Variants in EPHA2 observed in about 807,000 individuals in gnomAD.
The protein encoded by EPHA2 is ephrin type-A receptor 2.
EPHA2 carries 54 observed loss-of-function variants against 104.9 expected under a neutral mutation model. That is an observed-to-expected ratio of 0.51 (90% CI 0.41 to 0.65). The LOEUF is 0.65. Ranked by LOEUF, EPHA2 falls within the 30% of genes least tolerant of loss-of-function variation. EPHA2 has a pLI of 0.00. For synonymous variants in EPHA2, 560 were observed against 559.1 expected (o/e 1.00, Z -0.02); for missense variants, 1,117 against 1,369.5 (o/e 0.82, Z 2.91).
At chr1:16,127,069 G>C (rs371528900) in intron 16 of EPHA2, among the ~76,000 whole-genome samples, 1 of 152,194 alleles carries the variant, frequency 6.6e-6, no homozygotes, top group Non-Finnish European at 1.5e-5. Flanking sequence ...AGTTTGCTTT[G>C]GAGGCCCTGC....
In EPHA2 at chr1:16,131,811, G is replaced by C; in HGVS notation, c.2385C>G (p.Thr795=). Residue 795 remains threonine, a synonymous_variant, in exon 14 of 17, where the codon ACC becomes ACG. Coordinates refer to ENST00000358432, the MANE Select transcript of EPHA2 (RefSeq NM_004431.5). This position sits in a 1 kb window ranked among gnomAD's most constrained non-coding sequence, Gnocchi z 5.2. ...CAAAGCTCCACACGTCGCTGGCAGA[G>C]GTGAACTTCCGGTAGGAAATGGCCT... ...APEAISYRKF[T]SASDVWSFGI... 1.2e-6 allele frequency: 2 copies of C among 1,614,124 alleles called. No homozygotes were observed. The highest frequency in any genetic ancestry group is 1.7e-6 in the Non-Finnish European group (2 of 1,180,034).
intron 16 of EPHA2, among the ~76,000 whole-genome samples, chr1:16,129,058 T>C (rs762237241): frequency 4.0e-5 from 6 of 151,744 alleles, no homozygotes; most frequent in Admixed American, 1.3e-4. Flanking sequence ...GTCACTGCAC[T>C]TCTCTGCATC....
Position 16,125,363 on chromosome 1 carries a change from AG to A in EPHA2, c.2826-44del. The A allele has an allele frequency of 8.6e-6, 1 of 116,598 alleles. No individual in the cohort carries two copies. The allele number at this position is 116,598 out of a possible 1,614,324, so 7.2% of individuals were successfully genotyped here. On this transcript the variant is annotated intron_variant, in intron 16 of 16. Coordinates refer to ENST00000358432, the MANE Select transcript of EPHA2 (RefSeq NM_004431.5). The surrounding 1 kb of genome is among the most constrained non-coding windows in gnomAD (Gnocchi z 4.9). ...GAGAGGGAGAGTTAGGGGCTGGAGC[AG>A]GGGAGGGGGCCGGGCTGGGTGGGGA...
intron 1 of EPHA2, among the ~76,000 whole-genome samples, chr1:16,152,520 C>G (rs1248364468): frequency 1.3e-5 from 2 of 148,512 alleles, no homozygotes; most frequent in African/African-American, 5.0e-5. Context: ...GCGGGGTGGG[C>G]AGGGGCAGGG....
chr1:16,144,361 G>A (rs1039960391), intron 3 of EPHA2, among the ~76,000 whole-genome samples: 1 of 152,138 alleles, frequency 6.6e-6, no homozygotes, highest in African/African-American at 2.4e-5. Flanking sequence ...CAAAGCCTGC[G>A]AGCCACAGCC....
At chr1:16,149,431 C>G (rs1232791511) in intron 2 of EPHA2, among the ~76,000 whole-genome samples, 1 of 152,232 alleles carries the variant, frequency 6.6e-6, no homozygotes, top group East Asian at 1.9e-4. Flanking sequence ...TGGCTGAACA[C>G]AGTGCTTGGC....
intron 1 of EPHA2, chr1:16,155,328 C>G (rs1041417591): frequency 6.5e-6 from 1 of 152,946 alleles, no homozygotes; most frequent in Admixed American, 6.5e-5. Context: ...TCCCCCGGGA[C>G]TGGAGGTGAA....
chr1:16,134,623 C>A lies in EPHA2; in HGVS notation c.1583-56G>T. On this transcript the variant is annotated intron_variant, in intron 7 of 16. Transcript: ENST00000358432. The surrounding 1 kb of genome is among the most constrained non-coding windows in gnomAD (Gnocchi z 4.5). ...AGTTCCCCCACAAATTACAGCAACA[C>A]CCGCGCTGCACCCAAGACACCTGGG... 2 of 1,568,932 alleles carry A rather than the reference C, an allele frequency of 1.3e-6. No individual in the cohort carries two copies. Among genetic ancestry groups the A allele is most frequent in the South Asian group, 1.1e-5 (1 of 87,890 alleles).
At position 16,128,163 on chromosome 1, in the gene EPHA2, C is replaced by T. The variant is rs2024503835; in HGVS notation, c.2825+1271G>A. ...TACCAGTCGTGTCATCTGCGCTGCA[C>T]CCATGCAATCCCATCAAACTTGATC... On this transcript the variant is annotated intron_variant, in intron 16 of 16. Coordinates refer to ENST00000358432, the MANE Select transcript of EPHA2 (RefSeq NM_004431.5). The surrounding 1 kb of genome is among the most constrained non-coding windows in gnomAD (Gnocchi z 4.7). 6.6e-6 allele frequency among the ~76,000 whole-genome samples: 1 copy of T among 152,188 alleles called. No homozygotes were observed. The highest frequency in any genetic ancestry group is 2.4e-5 in the African/African-American group (1 of 41,436).
In EPHA2 at chr1:16,134,599, G is replaced by T. The variant is rs765536719; in HGVS notation, c.1583-32C>A. Reference sequence around the variant, plus strand: ...GAAGAAATCAGCTGATGACAAGGGAGTTCCCCCACAAATTACAGCAACACC... The same window carrying T: ...GAAGAAATCAGCTGATGACAAGGGATTTCCCCCACAAATTACAGCAACACC... On this transcript the variant is annotated intron_variant, in intron 7 of 16. Coordinates refer to ENST00000358432, the MANE Select transcript of EPHA2 (RefSeq NM_004431.5). The surrounding 1 kb of genome is among the most constrained non-coding windows in gnomAD (Gnocchi z 4.5). 5 of 1,608,912 alleles carry T rather than the reference G, an allele frequency of 3.1e-6. No homozygotes were observed. In the African/African-American group the frequency reaches 4.0e-5, roughly 13 times the overall value.
rs563410207 is a variant in EPHA2, at chr1:16,137,529, C to T, written c.1312+324G>A. On this transcript the variant is annotated intron_variant, in intron 5 of 16. Coordinates refer to ENST00000358432, the MANE Select transcript of EPHA2 (RefSeq NM_004431.5). ...AGGAGAATTGCTTGAACCCGGAAGGCAGAGGTTGCAGTGAGCCGAGATCAA... is the reference window on the plus strand; with the variant it reads ...AGGAGAATTGCTTGAACCCGGAAGGTAGAGGTTGCAGTGAGCCGAGATCAA... Among the ~76,000 whole-genome samples the T allele has an allele frequency of 5.2e-4, 79 of 152,200 alleles. 1 individual carries two copies. In the South Asian group the frequency reaches 8.3e-3, roughly 16 times the overall value.
rs963606697 is a variant in EPHA2 at position 16,130,936 on chromosome 1, G to T, written c.2476-517C>A. Reference sequence around the variant, plus strand: ...TGCGCCATTGCTCCCAGCTAGAAGGGACCCTGCTCCCTCACAGGGCACCAG... The same window carrying T: ...TGCGCCATTGCTCCCAGCTAGAAGGTACCCTGCTCCCTCACAGGGCACCAG... On this transcript the variant is annotated intron_variant, in intron 14 of 16. Transcript: ENST00000358432. The surrounding 1 kb of genome is among the most constrained non-coding windows in gnomAD (Gnocchi z 4.5). 3.9e-5 allele frequency among the ~76,000 whole-genome samples: 6 copies of T among 152,094 alleles called. No homozygotes were observed. Among genetic ancestry groups the T allele is most frequent in the African/African-American group, 1.4e-4 (6 of 41,412 alleles).
intron 5 of EPHA2, among the ~76,000 whole-genome samples, chr1:16,136,692 GGAAGAAGAAGAAGAAGAAGAAAAGAA>G (rs1445866494): frequency 0.03 from 1,822 of 60,002 alleles, 76 homozygotes; most frequent in African/African-American, 0.12. Context: ...AAGAAGAAGA[GGAAGAAGAAGAAGAAGAAGAAAAGAA>G]GAAGAAGAAG....
At position 16,130,169 on chromosome 1, in the gene EPHA2, T is replaced by C; in HGVS notation, c.2669+57A>G. 1 of 1,612,438 alleles carries C rather than the reference T, an allele frequency of 6.2e-7. No homozygotes were observed. Among genetic ancestry groups the C allele is most frequent in the Admixed American group, 1.7e-5 (1 of 59,958 alleles). On this transcript the variant is annotated intron_variant, in intron 15 of 16. Transcript: ENST00000358432. This position sits in a 1 kb window ranked among gnomAD's most constrained non-coding sequence, Gnocchi z 4.5. ...TGGGTGGCCACTCTACCGAAGTGGT[T>C]CAAGAGTCTGCAGAAGGAAAATTGA...
intron 3 of EPHA2, among the ~76,000 whole-genome samples, chr1:16,145,280 G>A (rs2024910561): frequency 6.6e-6 from 1 of 152,196 alleles, no homozygotes; most frequent in Non-Finnish European, 1.5e-5. Flanking sequence ...GCAGGGCCGG[G>A]GGCAGGGCGG....
intron 3 of EPHA2, 135 bp from the exon 4 acceptor site, chr1:16,138,565 A>G: frequency 6.1e-6 from 8 of 1,313,578 alleles, no homozygotes; most frequent in Non-Finnish European, 8.6e-6. Flanking sequence ...CTGTTTTCTC[A>G]TCGGCAAAAT....
At position 16,134,625 on chromosome 1, in the gene EPHA2, C is replaced by A; in HGVS notation, c.1583-58G>T. On this transcript the variant is annotated intron_variant, in intron 7 of 16. Coordinates refer to ENST00000358432, the MANE Select transcript of EPHA2 (RefSeq NM_004431.5). This position sits in a 1 kb window ranked among gnomAD's most constrained non-coding sequence, Gnocchi z 4.5. ...TTCCCCCACAAATTACAGCAACACC[C>A]GCGCTGCACCCAAGACACCTGGGCC... 1 of 1,558,686 alleles carries A rather than the reference C, an allele frequency of 6.4e-7. No individual in the cohort carries two copies. Among genetic ancestry groups the A allele is most frequent in the South Asian group, 1.1e-5 (1 of 87,394 alleles).
rs1452443823 is a variant in EPHA2 at position 16,133,349 on chromosome 1, G to A, written c.1884C>T (p.Tyr628=). 6.2e-7 allele frequency: 1 copy of A among 1,613,684 alleles called. No individual in the cohort carries two copies. Among genetic ancestry groups the A allele is most frequent in the East Asian group, 2.2e-5 (1 of 44,890 alleles). ...VIGAGEFGEV[Y]KGMLKTSSGK... is the part of the protein sequence containing the mutation. ...CCGAGGATGTCTTCAGCATGCCCTTGTACACCTCCCCAAACTCTCCTGTGG... is the reference window on the plus strand; with the variant it reads ...CCGAGGATGTCTTCAGCATGCCCTTATACACCTCCCCAAACTCTCCTGTGG... The change falls in exon 11 of 17, where the codon TAC becomes TAT. Residue 628 remains tyrosine (Y), a synonymous_variant. Coordinates refer to ENST00000358432, the MANE Select transcript of EPHA2 (RefSeq NM_004431.5).
At chr1:16,137,672 A>G (rs1274608493) in intron 5 of EPHA2, among the ~76,000 whole-genome samples, 181 bp downstream of exon 5, 1 of 152,272 alleles carries the variant, frequency 6.6e-6, no homozygotes, top group Non-Finnish European at 1.5e-5. Flanking sequence ...GTTGGGCCGC[A>G]TTCAATGTCG....
Sources: gnomAD v4.1 joint callset for allele counts (sites outside exome capture counted in the v4.1 genomes callset) on GRCh38, gnomAD v4.1.1 for gene constraint, Gnocchi (gnomAD v3.1) non-coding constraint, MANE v1.5 for transcripts, NCBI Gene and HGNC (gene_info 2026-07-23, HGNC 2026-07-21) for gene names.